Variants in NCKAP5 observed in about 807,000 individuals in gnomAD.
NCKAP5 encodes the protein NCK associated protein 5.
NCKAP5 carries 92 observed loss-of-function variants against 167.0 expected under a neutral mutation model. That is an observed-to-expected ratio of 0.55 (90% CI 0.47 to 0.66). NCKAP5 has a LOEUF of 0.66. Ranked by LOEUF, NCKAP5 falls within the 30% of genes least tolerant of loss-of-function variation. The probability of loss-of-function intolerance (pLI) is 0.00; values close to 1 mark genes in which losing one functional copy is unlikely to be tolerated. For missense variants in NCKAP5, 2,378 were observed against 2,315.0 expected, an observed-to-expected ratio of 1.03 and a Z score of -0.56; for synonymous variants, 891 against 877.4, an observed-to-expected ratio of 1.02 and a Z score of -0.27.
At chr2:132,781,487 A>G (rs926562268) in intron 14 of NCKAP5, among the ~76,000 whole-genome samples, 12 of 152,208 alleles carry the variant, frequency 7.9e-5, no homozygotes, top group Non-Finnish European at 1.5e-4. Flanking sequence ...AAAACCACTG[A>G]AGAGTGATTA....
chr2:133,176,784 T>C (rs1276719063), intron 5 of NCKAP5, among the ~76,000 whole-genome samples: 3 of 152,316 alleles, frequency 2.0e-5, no homozygotes, highest in Non-Finnish European at 4.4e-5. Context: ...AAAAAATCTA[T>C]AAACAATGCC....
At position 133,475,003 on chromosome 2, in the gene NCKAP5, G is replaced by T. The variant is rs936768579; in HGVS notation, c.69+42455C>A. On this transcript the variant is annotated intron_variant, in intron 3 of 19. Coordinates refer to ENST00000409261, the MANE Select transcript of NCKAP5 (RefSeq NM_207363.3). ...TTTTTGTATTTTTGGTAGAGCTGTG[G>T]TTTCACCATGCGGACCAGGCTGGTC... Among the ~76,000 whole-genome samples the T allele has an allele frequency of 7.2e-5, 11 of 152,062 alleles. No homozygotes were observed. The South Asian group carries it at 2.3e-3, about 32-fold the overall frequency.
chr2:133,049,328 G>A (rs1040755355), intron 6 of NCKAP5, among the ~76,000 whole-genome samples: 2 of 152,058 alleles, frequency 1.3e-5, no homozygotes, highest in African/African-American at 4.8e-5. Context: ...GGTGGATCCC[G>A]AGGTCAGGAG....
chr2:133,481,738 T>C (rs1460519584), intron 3 of NCKAP5, among the ~76,000 whole-genome samples: 1 of 152,218 alleles, frequency 6.6e-6, no homozygotes, highest in Non-Finnish European at 1.5e-5. Flanking sequence ...TCCAGCTCCA[T>C]CCATGTGCCT....
chr2:133,356,810 T>C (rs1684747359), intron 3 of NCKAP5, among the ~76,000 whole-genome samples: 1 of 152,162 alleles, frequency 6.6e-6, no homozygotes, highest in Admixed American at 6.5e-5. Context: ...AATTTAGGGC[T>C]AACAAGAGAT....
chr2:133,575,196 C>A, the NCKAP5 span, among the ~76,000 whole-genome samples: 1 of 152,200 alleles, frequency 6.6e-6, no homozygotes, highest in Non-Finnish European at 1.5e-5. Flanking sequence ...GGACTTGACC[C>A]TGGGCTATTA....
intron 16 of NCKAP5, among the ~76,000 whole-genome samples, chr2:132,758,402 C>T (rs1197956832): frequency 6.6e-6 from 1 of 152,218 alleles, no homozygotes; most frequent in African/African-American, 2.4e-5. Context: ...ACATGAATCA[C>T]TGCTGCTTTT....
chr2:132,988,430 A>G (rs1478613990), intron 7 of NCKAP5, among the ~76,000 whole-genome samples: 1 of 148,744 alleles, frequency 6.7e-6, no homozygotes, highest in African/African-American at 2.5e-5. Flanking sequence ...CCACTGCACT[A>G]CAGTGTGGCT....
rs1437892 is a variant in NCKAP5 at position 132,960,825 on chromosome 2, G to A, written c.579+2895C>T. On this transcript the variant is annotated intron_variant, in intron 8 of 19. Coordinates refer to ENST00000409261, the MANE Select transcript of NCKAP5 (RefSeq NM_207363.3). The stretch of plus-strand genomic sequence containing the variant: ...CACACCTTCTTAGAACCTGTTAGGG[G>A]AGCAGGAATTAAAGAAGACTGCTGT... Among the ~76,000 whole-genome samples, 5 of 152,182 alleles carry A rather than the reference G, an allele frequency of 3.3e-5. No homozygotes were observed. In the South Asian group the frequency reaches 6.3e-4, roughly 19 times the overall value.
In NCKAP5 at chr2:132,782,976, T is replaced by C; in HGVS notation, c.3835A>G (p.Ser1279Gly). The change falls in exon 14 of 20, where the codon AGT becomes GGT. Residue 1279 changes from serine to glycine, a missense_variant. Around this residue, in one of 3 missense-constraint regions of NCKAP5, gnomAD observed 1,325 missense variants for 1,274.5 expected, o/e 1.04. Transcript: ENST00000409261. ...NGAKARSHSF[S>G]THSGDKPSTP... is the part of the protein sequence containing the mutation. ...GAAGGCTTGTCTCCTGAGTGTGTAC[T>C]GAAGCTGTGGCTGCGGGCTTTGGCG... The C allele has an allele frequency of 1.2e-6, 2 of 1,613,990 alleles. No individual in the cohort carries two copies. The highest frequency in any genetic ancestry group is 1.1e-5 in the South Asian group (1 of 91,078).
chr2:133,092,177 C>T (rs554696023), intron 6 of NCKAP5, among the ~76,000 whole-genome samples: 3 of 152,208 alleles, frequency 2.0e-5, no homozygotes, highest in African/African-American at 7.2e-5. Flanking sequence ...TAGGTATAGG[C>T]AGTTAAGACA....
At chr2:133,515,245 A>C in intron 3 of NCKAP5, among the ~76,000 whole-genome samples, 1 of 152,326 alleles carries the variant, frequency 6.6e-6, no homozygotes. Context: ...TCTAGCTGCT[A>C]TTCTCCCAGA....
At chr2:132,753,064 T>G (rs1680247911) in intron 16 of NCKAP5, among the ~76,000 whole-genome samples, 1 of 152,206 alleles carries the variant, frequency 6.6e-6, no homozygotes, top group Non-Finnish European at 1.5e-5. Context: ...GTTAATCTCA[T>G]CCAAACACAC....
intron 8 of NCKAP5, among the ~76,000 whole-genome samples, chr2:132,944,738 A>C (rs755153390): frequency 6.6e-6 from 1 of 152,202 alleles, no homozygotes; most frequent in Non-Finnish European, 1.5e-5. Context: ...CTTTGTCCTG[A>C]AAGAGCGACA....
chr2:132,859,498 G>A (rs1689723535), intron 11 of NCKAP5, among the ~76,000 whole-genome samples: 1 of 152,186 alleles, frequency 6.6e-6, no homozygotes, highest in Non-Finnish European at 1.5e-5. Context: ...GACTGGAAAT[G>A]TGGCTAGTTG....
In NCKAP5 at chr2:133,242,259, C is replaced by CT. The variant is rs915257474; in HGVS notation, c.144-28481dup. ...CTCTGTTTTTCTTTTCTTTTCTTTT[C>CT]TTTTTTTTTTAACTGAGAGAACATA... On this transcript the variant is annotated intron_variant, in intron 4 of 19. Coordinates refer to ENST00000409261, the MANE Select transcript of NCKAP5 (RefSeq NM_207363.3). Among the ~76,000 whole-genome samples, 25 of 138,856 alleles carry CT rather than the reference C, an allele frequency of 1.8e-4. 1 individual carries two copies. The highest frequency in any genetic ancestry group is 4.4e-4 in the South Asian group (2 of 4,556). 91.1% of individuals were successfully genotyped at this position (138,856 alleles called of 152,430 possible). A position where few individuals can be genotyped will look rare whatever the true frequency, so the allele number is the denominator to read the frequency against.
chr2:133,156,147 A>G (rs1012389459), intron 5 of NCKAP5, among the ~76,000 whole-genome samples: 1 of 152,200 alleles, frequency 6.6e-6, no homozygotes, highest in South Asian at 2.1e-4. Flanking sequence ...CAGATGTGCC[A>G]TCTATTTCCC....
At chr2:132,933,137 G>A (rs889536457) in intron 8 of NCKAP5, among the ~76,000 whole-genome samples, 2 of 151,986 alleles carry the variant, frequency 1.3e-5, no homozygotes, top group Non-Finnish European at 2.9e-5. Context: ...GTGTTAGCCA[G>A]GATGGTCTCG....
intron 4 of NCKAP5, among the ~76,000 whole-genome samples, chr2:133,286,217 C>G (rs1396047351): frequency 6.6e-6 from 1 of 152,126 alleles, no homozygotes; most frequent in South Asian, 2.1e-4. Flanking sequence ...AGGATGGTCT[C>G]GATCTCCTAA....
Sources: allele counts gnomAD v4.1 joint callset (sites outside exome capture counted in the v4.1 genomes callset), GRCh38; gene constraint gnomAD v4.1.1; regional missense constraint gnomAD v4.1.1; transcripts MANE v1.5; gene names NCBI Gene and HGNC (gene_info 2026-07-23, HGNC 2026-07-21).